Variants in ATP10B observed in about 807,000 individuals in gnomAD.
ATP10B encodes phospholipid-transporting ATPase VB.
A neutral mutation model predicts 141.2 loss-of-function variants in ATP10B; 122 were observed. That is an observed-to-expected ratio of 0.86 (90% CI 0.75 to 1.00). The LOEUF (loss-of-function observed/expected upper bound fraction) is 1.00, where lower values mean the gene tolerates loss of function less well. Ranked by LOEUF, ATP10B falls within the 50% of genes least tolerant of loss-of-function variation. The pLI, the probability that ATP10B is intolerant of heterozygous loss-of-function variation, is 0.00. For missense variants in ATP10B, 1,876 were observed against 1,825.3 expected, an observed-to-expected ratio of 1.03 and a Z score of -0.51; for synonymous variants, 685 against 692.0, an observed-to-expected ratio of 0.99 and a Z score of 0.16.
At chr5:160,827,905 T>C (rs1044626044) in intron 1 of ATP10B, among the ~76,000 whole-genome samples, 5 of 152,136 alleles carry the variant, frequency 3.3e-5, no homozygotes, top group East Asian at 1.9e-4. Flanking sequence ...GTTGCAGATA[T>C]GTGGCGTTAT....
At chr5:160,724,504 A>C (rs1766203193) in intron 2 of ATP10B, among the ~76,000 whole-genome samples, 1 of 152,198 alleles carries the variant, frequency 6.6e-6, no homozygotes, top group African/African-American at 2.4e-5. Context: ...GAGTAAAAGT[A>C]AAGTACCATA....
chr5:160,807,754 A>G (rs1486391830), intron 1 of ATP10B, among the ~76,000 whole-genome samples: 2 of 152,208 alleles, frequency 1.3e-5, no homozygotes, highest in East Asian at 3.8e-4. Flanking sequence ...ATTCTTTTTA[A>G]ATGTGATAAT....
At chr5:160,771,696 A>C (rs1328998802) in intron 2 of ATP10B, among the ~76,000 whole-genome samples, 1 of 152,196 alleles carries the variant, frequency 6.6e-6, no homozygotes, top group Non-Finnish European at 1.5e-5. Flanking sequence ...TCTAGTATAG[A>C]ATACAATATT....
At chr5:160,832,119 CATA>C (rs1775123111) in intron 1 of ATP10B, among the ~76,000 whole-genome samples, 1 of 72,314 alleles carries the variant, frequency 1.4e-5, no homozygotes, top group Non-Finnish European at 4.3e-5. Context: ...CAATAATAAT[CATA>C]ATAATGCCAC....
chr5:160,791,278 T>G (rs998564459), intron 1 of ATP10B, among the ~76,000 whole-genome samples: 1 of 152,176 alleles, frequency 6.6e-6, no homozygotes, highest in Non-Finnish European at 1.5e-5. Flanking sequence ...TTTTAGCTTC[T>G]AAGTTTTTGG....
At chr5:160,873,071 C>T in the ATP10B span, among the ~76,000 whole-genome samples, 1 of 144,376 alleles carries the variant, frequency 6.9e-6, no homozygotes, top group African/African-American at 2.5e-5. Flanking sequence ...TGTAGTTTTT[C>T]TTGTAGCGGT....
At chr5:160,678,586 G>A (rs776160690) in intron 6 of ATP10B, among the ~76,000 whole-genome samples, 5 of 152,214 alleles carry the variant, frequency 3.3e-5, no homozygotes, top group Admixed American at 1.3e-4. Flanking sequence ...CAGCCCGGGA[G>A]GCAGAGGTTG....
At chr5:160,893,000 C>T in the ATP10B span, among the ~76,000 whole-genome samples, 4 of 152,156 alleles carry the variant, frequency 2.6e-5, no homozygotes, top group Non-Finnish European at 5.9e-5. Flanking sequence ...CCATGATGAA[C>T]GGTGCACTCC....
In ATP10B at chr5:160,741,700, G is replaced by T. The variant is rs539077807; in HGVS notation, c.-330-24666C>A. On this transcript the variant is annotated intron_variant, in intron 2 of 25. Coordinates refer to ENST00000327245, the MANE Select transcript of ATP10B (RefSeq NM_025153.3). Reference sequence around the variant, plus strand: ...TCTTTATAAGCAATTAGAGGCAGATGATATTAACTCCATATGAGCCCAGTA... The same window carrying T: ...TCTTTATAAGCAATTAGAGGCAGATTATATTAACTCCATATGAGCCCAGTA... Among the ~76,000 whole-genome samples the T allele has an allele frequency of 2.0e-4, 31 of 152,282 alleles. No homozygotes were observed. The South Asian group carries it at 6.2e-3, about 31-fold the overall frequency.
intron 23 of ATP10B, 76 bp from the exon 24 acceptor site, chr5:160,589,772 G>A: frequency 9.1e-7 from 1 of 1,095,262 alleles, no homozygotes; most frequent in East Asian, 2.4e-5. Context: ...TGATTATAAA[G>A]CATCAATGAA....
At chr5:160,569,715 G>A (rs769628613) in intron 24 of ATP10B, 32 bp from the exon 25 acceptor site, 1 of 1,478,736 alleles carries the variant, frequency 6.8e-7, no homozygotes, top group Non-Finnish European at 9.0e-7. Context: ...CACTGTTGAA[G>A]GTATAGCTGA....
chr5:160,802,977 A>G (rs577056508), intron 1 of ATP10B, among the ~76,000 whole-genome samples: 1 of 152,242 alleles, frequency 6.6e-6, no homozygotes, highest in Non-Finnish European at 1.5e-5. Context: ...GCTTGCTCAG[A>G]AGGAAGGAGT....
chr5:160,797,139 C>G (rs889638225), intron 1 of ATP10B, among the ~76,000 whole-genome samples: 1 of 152,064 alleles, frequency 6.6e-6, no homozygotes. Flanking sequence ...CCCAGGAACC[C>G]CTGGCTGGGA....
the ATP10B span, among the ~76,000 whole-genome samples, chr5:160,870,933 C>T: frequency 1.3e-3 from 129 of 97,634 alleles, no homozygotes; most frequent in African/African-American, 4.3e-3. Context: ...AAATATTTAA[C>T]ATGTTGAGAA....
intron 1 of ATP10B, among the ~76,000 whole-genome samples, chr5:160,809,841 A>AT (rs1561877315): frequency 6.6e-6 from 1 of 152,134 alleles, no homozygotes; most frequent in African/African-American, 2.4e-5. Flanking sequence ...GGACTGAGAG[A>AT]TTTTTTAGCT....
intron 14 of ATP10B, among the ~76,000 whole-genome samples, chr5:160,621,475 G>A (rs1758346954): frequency 1.3e-5 from 2 of 152,182 alleles, no homozygotes; most frequent in South Asian, 4.1e-4. Context: ...ATTGGGAGGT[G>A]CCTACTGTCT....
chr5:160,716,367 C>A (rs1765661392), intron 3 of ATP10B, among the ~76,000 whole-genome samples: 2 of 152,092 alleles, frequency 1.3e-5, no homozygotes, highest in African/African-American at 4.8e-5. Flanking sequence ...CTCATAACAA[C>A]CCTGTGATGG....
At chr5:160,573,670 A>G (rs945289132) in intron 24 of ATP10B, among the ~76,000 whole-genome samples, 10 of 152,164 alleles carry the variant, frequency 6.6e-5, no homozygotes, top group African/African-American at 2.4e-4. Context: ...ATGAGACTCA[A>G]ATGCCTGATG....
chr5:160,882,270 C>A, the ATP10B span, among the ~76,000 whole-genome samples: 2 of 152,026 alleles, frequency 1.3e-5, no homozygotes, highest in African/African-American at 4.8e-5. Context: ...ATACTTAAGA[C>A]GTGTCAGTGT....
Sources: gnomAD v4.1 joint callset for allele counts (sites outside exome capture counted in the v4.1 genomes callset) on GRCh38, gnomAD v4.1.1 for gene constraint, MANE v1.5 for transcripts, NCBI Gene and HGNC (gene_info 2026-07-23, HGNC 2026-07-21) for gene names.